Variants in SPINK9 observed in about 807,000 individuals in gnomAD.
SPINK9 encodes the protein serine protease inhibitor Kazal-type 9.
A neutral mutation model predicts 10.8 loss-of-function variants in SPINK9; 3 were observed. The observed-to-expected ratio is 0.28, with a 90% confidence interval of 0.13 to 0.72. SPINK9 has a LOEUF of 0.72. Among genes scored for constraint, SPINK9 ranks in the 30% least tolerant of loss-of-function variants. The probability of loss-of-function intolerance (pLI) is 0.74; values close to 1 mark genes in which losing one functional copy is unlikely to be tolerated. For synonymous variants in SPINK9, 30 were observed against 31.2 expected, an observed-to-expected ratio of 0.96 and a Z score of 0.12; for missense variants, 101 against 103.2, an observed-to-expected ratio of 0.98 and a Z score of 0.09.
intron 2 of SPINK9, among the ~76,000 whole-genome samples, chr5:148,328,196 T>C (rs1156569804): frequency 6.6e-6 from 1 of 152,228 alleles, no homozygotes; most frequent in African/African-American, 2.4e-5. Flanking sequence ...CAGTGGTTTG[T>C]AGTTCTCCTT....
intron 2 of SPINK9, among the ~76,000 whole-genome samples, chr5:148,327,462 T>A (rs1021648188): frequency 6.6e-6 from 1 of 152,194 alleles, no homozygotes; most frequent in African/African-American, 2.4e-5. Context: ...GGTTGCCTGT[T>A]CACTCTGATG....
At chr5:148,339,467 A>C (rs1433090837) in intron 3 of SPINK9, among the ~76,000 whole-genome samples, 200 bp from the exon 4 acceptor site, 1 of 152,082 alleles carries the variant, frequency 6.6e-6, no homozygotes, top group East Asian at 1.9e-4. Flanking sequence ...CAGGGATATA[A>C]ATTGTGATGT....
intron 2 of SPINK9, among the ~76,000 whole-genome samples, chr5:148,327,945 C>T (rs1373047014): frequency 1.3e-5 from 2 of 151,412 alleles, no homozygotes; most frequent in African/African-American, 2.4e-5. Flanking sequence ...AGCATGATGC[C>T]TCCAGCTTTG....
At chr5:148,327,037 G>A (rs1178147561) in intron 2 of SPINK9, among the ~76,000 whole-genome samples, 1 of 152,094 alleles carries the variant, frequency 6.6e-6, no homozygotes, top group Non-Finnish European at 1.5e-5. Flanking sequence ...CCAGTAATGG[G>A]ATGGCTGGGT....
At chr5:148,328,379 G>T (rs562168895) in intron 2 of SPINK9, among the ~76,000 whole-genome samples, 14 of 152,170 alleles carry the variant, frequency 9.2e-5, no homozygotes, top group East Asian at 1.9e-4. Flanking sequence ...CTGAAGTTGC[G>T]TATCAGCTTA....
At chr5:148,333,446 T>C (rs1304851972), upstream of SPINK9, among the ~76,000 whole-genome samples, 1 of 152,220 alleles carries the variant, frequency 6.6e-6, no homozygotes, top group African/African-American at 2.4e-5. Flanking sequence ...GGCTAGCCCA[T>C]AGGCAGTGTG....
chr5:148,335,363 T>G (rs369473657), upstream of SPINK9, among the ~76,000 whole-genome samples: 97 of 152,354 alleles, frequency 6.4e-4, no homozygotes, highest in Non-Finnish European at 9.7e-4. Context: ...ATCTCATTCT[T>G]CATCCATCAG....
At position 148,338,590 on chromosome 5, in the gene SPINK9, T is replaced by C. The variant is rs535824472; in HGVS notation, c.200T>C (p.Phe67Ser). ...DGKTYKNDCF[F>S]CSKVKKTDGT... ...AAAACTTATAAAAATGATTGCTTCT[T>C]CTGTTCTAAAGTTAAGTAAGTATTA... Residue 67 changes from phenylalanine (F) to serine (S), a missense_variant, in exon 3 of 4, where the codon TTC (phenylalanine) becomes TCC (serine). Coordinates refer to ENST00000377906, the MANE Select transcript of SPINK9 (RefSeq NM_001040433.2). The C allele has an allele frequency of 1.6e-5, 26 of 1,590,758 alleles. No homozygotes were observed. In the South Asian group the frequency reaches 2.7e-4, roughly 16 times the overall value.
chr5:148,329,961 C>T (rs1464121125), intron 2 of SPINK9, among the ~76,000 whole-genome samples: 1 of 152,136 alleles, frequency 6.6e-6, no homozygotes, highest in Non-Finnish European at 1.5e-5. Flanking sequence ...TGGTGTGGTG[C>T]TGAGAAGAAT....
intron 2 of SPINK9, among the ~76,000 whole-genome samples, chr5:148,328,069 G>A (rs1271343847): frequency 6.6e-6 from 1 of 151,908 alleles, no homozygotes. Context: ...TGATGGGGAT[G>A]GCATTGAATC....
At chr5:148,324,939 C>A (rs945810226) in intron 2 of SPINK9, among the ~76,000 whole-genome samples, 1 of 152,002 alleles carries the variant, frequency 6.6e-6, no homozygotes, top group African/African-American at 2.4e-5. Flanking sequence ...CTATCTACCC[C>A]CCTACTATCC....
chr5:148,325,963 A>G (rs1757053981), intron 2 of SPINK9, among the ~76,000 whole-genome samples: 3 of 152,140 alleles, frequency 2.0e-5, no homozygotes, highest in Admixed American at 2.0e-4. Context: ...TGAATTTTCG[A>G]AAAGATTATT....
At chr5:148,324,747 CA>C (rs1241948150) in intron 2 of SPINK9, among the ~76,000 whole-genome samples, 1 of 151,700 alleles carries the variant, frequency 6.6e-6, no homozygotes, top group African/African-American at 2.4e-5. Context: ...AAATAATTTA[CA>C]AAGCATAAAA....
exon 1 of SPINK9, chr5:148,321,370 C>T (rs1235558016): frequency 2.6e-5 from 4 of 152,112 alleles, no homozygotes; most frequent in African/African-American, 9.7e-5. Context: ...GCAAAAGCCT[C>T]AGGAGCCGAT....
intron 1 of SPINK9, 129 bp from the exon 2 acceptor site, chr5:148,336,293 C>A: frequency 1.1e-6 from 1 of 950,646 alleles, no homozygotes; most frequent in Non-Finnish European, 1.6e-6. Context: ...AATGCTGATA[C>A]ACAGTTGTGA....
intron 2 of SPINK9, among the ~76,000 whole-genome samples, chr5:148,328,899 G>C (rs576214147): frequency 6.6e-6 from 1 of 152,254 alleles, no homozygotes; most frequent in East Asian, 1.9e-4. Flanking sequence ...GCTGGATTCG[G>C]TTTGCCAGTA....
At chr5:148,329,888 G>C (rs1757123687) in intron 2 of SPINK9, among the ~76,000 whole-genome samples, 1 of 152,110 alleles carries the variant, frequency 6.6e-6, no homozygotes, top group Admixed American at 6.5e-5. Context: ...TATAATTTCT[G>C]TTCTTTTACA....
chr5:148,321,583 C>G (rs533828112), intron 1 of SPINK9, among the ~76,000 whole-genome samples: 15 of 151,478 alleles, frequency 9.9e-5, no homozygotes, highest in Middle Eastern at 6.9e-3. Flanking sequence ...ATTCCAAGTC[C>G]AAGTCCAATC....
chr5:148,336,298 T>C (rs1345413894), intron 1 of SPINK9, 124 bp from the exon 2 acceptor site: 36 of 997,766 alleles, frequency 3.6e-5, no homozygotes, highest in Non-Finnish European at 3.1e-6. Flanking sequence ...TGATACACAG[T>C]TGTGAAGAGA....
Sources: gnomAD v4.1 joint callset for allele counts (sites outside exome capture counted in the v4.1 genomes callset) on GRCh38, gnomAD v4.1.1 for gene constraint, MANE v1.5 for transcripts, NCBI Gene and HGNC (gene_info 2026-07-23, HGNC 2026-07-21) for gene names.